CCSER1: variants seen among roughly 807,000 people sequenced by gnomAD.
The protein encoded by CCSER1 is coiled-coil serine rich protein 1.
Under a neutral mutation model 82.0 loss-of-function variants are expected in CCSER1, and 41 were observed. The observed-to-expected ratio is 0.50, with a 90% confidence interval of 0.39 to 0.65. The LOEUF (loss-of-function observed/expected upper bound fraction) is 0.65. Ranked by LOEUF, CCSER1 falls within the 30% of genes least tolerant of loss-of-function variation. CCSER1 has a pLI of 0.00. For synonymous variants in CCSER1, 414 were observed against 383.9 expected (o/e 1.08, Z -0.92); for missense variants, 1,119 against 1,064.2 (o/e 1.05, Z -0.72).
intron 6 of CCSER1, among the ~76,000 whole-genome samples, chr4:90,650,681 C>T (rs544674284): frequency 5.3e-5 from 8 of 152,250 alleles, no homozygotes; most frequent in African/African-American, 1.9e-4. Flanking sequence ...TCCCTAAATA[C>T]CTACATATTT....
intron 10 of CCSER1, among the ~76,000 whole-genome samples, chr4:91,416,455 A>G (rs1199674654): frequency 6.6e-6 from 1 of 152,178 alleles, no homozygotes; most frequent in East Asian, 1.9e-4. Context: ...ACTTCAAACT[A>G]TATCACAAGG....
chr4:90,408,730 C>T (rs982184094), intron 4 of CCSER1, among the ~76,000 whole-genome samples: 1 of 152,196 alleles, frequency 6.6e-6, no homozygotes, highest in African/African-American at 2.4e-5. Context: ...AGCACCTCTC[C>T]TCCTCCAAAG....
chr4:91,255,611 C>G lies in CCSER1; in HGVS notation c.2217+169617C>G, dbSNP rs532947329. 4.3e-4 allele frequency among the ~76,000 whole-genome samples: 65 copies of G among 152,138 alleles called. No homozygotes were observed. The South Asian group carries it at 0.013, about 31-fold the overall frequency. On this transcript the variant is annotated intron_variant, in intron 10 of 10. Transcript: ENST00000509176. ...GAGTGTTGCAGGAAGTCAGGGACAC[C>G]GAAAGGAGGGACCTGCTGAAGCTGT...
intron 9 of CCSER1, among the ~76,000 whole-genome samples, chr4:90,935,511 G>C (rs1239639107): frequency 6.6e-5 from 10 of 152,268 alleles, no homozygotes; most frequent in Admixed American, 6.5e-4. Context: ...TCAGGTGTTA[G>C]AGCAATGCAA....
chr4:91,089,275 A>G (rs1723699360), intron 10 of CCSER1, among the ~76,000 whole-genome samples: 2 of 152,162 alleles, frequency 1.3e-5, no homozygotes, highest in South Asian at 4.1e-4. Flanking sequence ...CCTTCCATAC[A>G]ATGTCTGGAA....
chr4:91,502,825 T>A (rs1759282454), intron 10 of CCSER1, among the ~76,000 whole-genome samples: 1 of 152,072 alleles, frequency 6.6e-6, no homozygotes, highest in African/African-American at 2.4e-5. Context: ...GTAGTAGGAG[T>A]TTAATAAGTA....
At chr4:90,270,756 A>G (rs1270691606) in intron 1 of CCSER1, among the ~76,000 whole-genome samples, 1 of 152,096 alleles carries the variant, frequency 6.6e-6, no homozygotes, top group East Asian at 1.9e-4. Context: ...AAAGACTTCA[A>G]AAATCTATTT....
At chr4:90,697,730 G>C (rs915509114) in intron 6 of CCSER1, among the ~76,000 whole-genome samples, 3 of 151,992 alleles carry the variant, frequency 2.0e-5, no homozygotes, top group African/African-American at 7.3e-5. Context: ...TTAATAAAAG[G>C]CGTATGAAAG....
At chr4:90,965,434 G>A (rs1198034905) in intron 9 of CCSER1, among the ~76,000 whole-genome samples, 1 of 152,042 alleles carries the variant, frequency 6.6e-6, no homozygotes, top group Non-Finnish European at 1.5e-5. Context: ...TAGGTAGGAA[G>A]GAAAAGCTAA....
chr4:90,398,607 C>T (rs145164185), intron 3 of CCSER1, among the ~76,000 whole-genome samples: 26 of 152,180 alleles, frequency 1.7e-4, no homozygotes, highest in African/African-American at 3.6e-4. Flanking sequence ...ATTTTTAGTA[C>T]GACAGCTTAT....
chr4:91,025,656 G>T (rs892023487), intron 9 of CCSER1, among the ~76,000 whole-genome samples: 3 of 152,116 alleles, frequency 2.0e-5, no homozygotes, highest in African/African-American at 4.8e-5. Flanking sequence ...ACTGTGCCAA[G>T]GACAGCAGGA....
chr4:91,164,958 C>T (rs1051108366), intron 10 of CCSER1, among the ~76,000 whole-genome samples: 3 of 152,190 alleles, frequency 2.0e-5, no homozygotes, highest in African/African-American at 7.2e-5. Context: ...ATTCTCCGTC[C>T]ACCTTTTTTC....
chr4:90,309,167 C>G lies in CCSER1; in HGVS notation c.883C>G (p.Gln295Glu), dbSNP rs766033018. Residue 295 changes from glutamine to glutamate, a missense_variant, in exon 2 of 11, where the codon CAG becomes GAG. Physicochemically the swap from Gln to Glu is conservative, Grantham distance 29. Coordinates refer to ENST00000509176, the MANE Select transcript of CCSER1 (RefSeq NM_001145065.2). ...CTTTGGCCACAATGATTCTACCTCTCAGATGTCCCTCAATTCTGCTGCTGT... is the reference window on the plus strand; with the variant it reads ...CTTTGGCCACAATGATTCTACCTCTGAGATGTCCCTCAATTCTGCTGCTGT... Reference protein sequence around the residue: ...DNFGHNDSTSQMSLNSAAVTK... With the variant: ...DNFGHNDSTSEMSLNSAAVTK... 5 of 1,613,800 alleles carry G rather than the reference C, an allele frequency of 3.1e-6. No homozygotes were observed. Among genetic ancestry groups the G allele is most frequent in the Non-Finnish European group, 3.4e-6 (4 of 1,179,844 alleles).
chr4:90,448,403 G>A (rs1760957958), intron 4 of CCSER1, among the ~76,000 whole-genome samples: 1 of 136,050 alleles, frequency 7.4e-6, no homozygotes. Flanking sequence ...GGGAGAGTCA[G>A]CATATTTATC....
chr4:91,329,103 A>G (rs1746770491), intron 10 of CCSER1, among the ~76,000 whole-genome samples: 1 of 152,206 alleles, frequency 6.6e-6, no homozygotes, highest in African/African-American at 2.4e-5. Context: ...TTATTAGCAG[A>G]ATGAGAACAG....
chr4:91,397,894 T>C (rs929981973), intron 10 of CCSER1, among the ~76,000 whole-genome samples: 1 of 151,956 alleles, frequency 6.6e-6, no homozygotes, highest in African/African-American at 2.4e-5. Flanking sequence ...GGCTGGGGCA[T>C]ACTGTTTTGG....
At chr4:91,325,107 G>A (rs1746462037) in intron 10 of CCSER1, 1 of 453,066 alleles carries the variant, frequency 2.2e-6, no homozygotes, top group African/African-American at 2.0e-5. Flanking sequence ...TTACCAAGAG[G>A]GAGTACCTTA....
At position 90,308,621 on chromosome 4, in the gene CCSER1, G is replaced by A. The variant is rs1734742390; in HGVS notation, c.337G>A (p.Gly113Arg). The A allele has an allele frequency of 6.2e-7, 1 of 1,613,782 alleles. No individual in the cohort carries two copies. Among genetic ancestry groups the A allele is most frequent in the Non-Finnish European group, 8.5e-7 (1 of 1,179,838 alleles). Residue 113 changes from glycine (G) to arginine (R), a missense_variant, in exon 2 of 11, where the codon GGA becomes AGA. Coordinates refer to ENST00000509176, the MANE Select transcript of CCSER1 (RefSeq NM_001145065.2). ...TTTGGAAGAACATATTAAGACCAGG[G>A]GAAGACATTCTGTTGGTTTTAGTAG... Reference protein sequence around the residue: ...LSLEEHIKTRGRHSVGFSSSR... With the variant: ...LSLEEHIKTRRRHSVGFSSSR...
chr4:91,242,500 A>C (rs1444289018), intron 10 of CCSER1, among the ~76,000 whole-genome samples: 1 of 152,182 alleles, frequency 6.6e-6, no homozygotes, highest in Non-Finnish European at 1.5e-5. Flanking sequence ...TTATCTCAAA[A>C]TGGATTATAA....
Sources: allele counts gnomAD v4.1 joint callset (sites outside exome capture counted in the v4.1 genomes callset), GRCh38; gene constraint gnomAD v4.1.1; transcripts MANE v1.5; gene names NCBI Gene and HGNC (gene_info 2026-07-23, HGNC 2026-07-21).